The following NDST4 variants were observed in gnomAD, a reference collection of about 807,000 sequenced individuals.
NDST4 encodes N-deacetylase and N-sulfotransferase 4.
NDST4 carries 63 observed loss-of-function variants against 100.8 expected under a neutral mutation model. That is an observed-to-expected ratio of 0.62 (90% CI 0.51 to 0.77). NDST4 has a LOEUF of 0.77. NDST4 is among the 30% of genes least tolerant of loss of function. The pLI is 0.00. For synonymous variants in NDST4, 377 were observed against 361.8 expected, an observed-to-expected ratio of 1.04 and a Z score of -0.48; for missense variants, 943 against 1,018.4, an observed-to-expected ratio of 0.93 and a Z score of 1.01.
chr4:114,863,879 T>C (rs1723969877), intron 7 of NDST4, among the ~76,000 whole-genome samples: 1 of 152,188 alleles, frequency 6.6e-6, no homozygotes, highest in African/African-American at 2.4e-5. Flanking sequence ...TGAAATTATG[T>C]TCCTTGCAAG....
intron 2 of NDST4, among the ~76,000 whole-genome samples, chr4:114,981,262 G>GAAGT (rs1288216480): frequency 1.6e-5 from 2 of 128,296 alleles, no homozygotes; most frequent in Admixed American, 7.6e-5. Flanking sequence ...AGGAAGGAAG[G>GAAGT]AAGGAAGAAA....
In NDST4 at chr4:114,935,475, A is replaced by T. The variant is rs564470516; in HGVS notation, c.1408-141T>A. The T allele has an allele frequency of 3.6e-4, 246 of 681,204 alleles. No homozygotes were observed. In the African/African-American group the frequency reaches 4.3e-3, roughly 12 times the overall value. The allele number at this position is 681,204 out of a possible 1,614,324, so 42.2% of individuals were successfully genotyped here. ...TAAGGCCAAATCTTATTATAATCAC[A>T]AGTTGATGTTGGTGCAATTCTGTAA... On this transcript the variant is annotated intron_variant, in intron 5 of 13. Transcript: ENST00000264363.
chr4:114,978,334 C>T (rs1726683760), intron 2 of NDST4, among the ~76,000 whole-genome samples: 1 of 151,798 alleles, frequency 6.6e-6, no homozygotes, highest in Admixed American at 6.6e-5. Context: ...GTGAACCTAA[C>T]TGTTTATTCC....
intron 9 of NDST4, among the ~76,000 whole-genome samples, chr4:114,846,638 G>A (rs1266615707): frequency 6.6e-6 from 1 of 152,070 alleles, no homozygotes; most frequent in Non-Finnish European, 1.5e-5. Context: ...ACGTTCCTCT[G>A]CGTGTGGATT....
intron 4 of NDST4, among the ~76,000 whole-genome samples, chr4:114,969,970 A>G (rs770148287): frequency 4.3e-4 from 66 of 152,274 alleles, no homozygotes; most frequent in African/African-American, 1.0e-3. Context: ...AACCTTGCCA[A>G]CATCTGTTGT....
At chr4:114,950,502 C>T (rs1050228293) in intron 4 of NDST4, among the ~76,000 whole-genome samples, 2 of 152,018 alleles carry the variant, frequency 1.3e-5, no homozygotes, top group Admixed American at 6.6e-5. Context: ...CTGCCTCTGT[C>T]ACATATTTCC....
chr4:114,911,104 C>T (rs1466427276), intron 6 of NDST4, among the ~76,000 whole-genome samples: 1 of 152,000 alleles, frequency 6.6e-6, no homozygotes, highest in Non-Finnish European at 1.5e-5. Context: ...TGGCTCACAT[C>T]TCACTTATGT....
intron 4 of NDST4, among the ~76,000 whole-genome samples, chr4:114,944,594 C>T (rs931145277): frequency 6.6e-6 from 1 of 152,142 alleles, no homozygotes; most frequent in Non-Finnish European, 1.5e-5. Flanking sequence ...TGAAATCTGT[C>T]TTAGATCCTA....
At chr4:114,939,344 A>G (rs1725698846) in intron 4 of NDST4, among the ~76,000 whole-genome samples, 1 of 152,174 alleles carries the variant, frequency 6.6e-6, no homozygotes, top group Non-Finnish European at 1.5e-5. Context: ...GTACAGGAAA[A>G]GGGAATCAAC....
chr4:114,999,374 T>C (rs1727233321), intron 2 of NDST4, among the ~76,000 whole-genome samples: 1 of 152,078 alleles, frequency 6.6e-6, no homozygotes, highest in South Asian at 2.1e-4. Context: ...ATTTGTAAAA[T>C]GAAACTAATA....
rs59805768 is a variant in NDST4 at position 115,057,702 on chromosome 4, G to GCACACA, written c.978+18351_978+18356dup. Among the ~76,000 whole-genome samples, 356 of 147,326 alleles carry GCACACA rather than the reference G, an allele frequency of 2.4e-3. 1 individual carries two copies. The highest frequency in any genetic ancestry group is 7.6e-3 in the African/African-American group (304 of 40,180). On this transcript the variant is annotated intron_variant, in intron 2 of 13. Transcript: ENST00000264363. ...TTTCCACTTAGCTATGCGTGCGCAC[G>GCACACA]CACACACACACACACACACACACAC...
At chr4:114,865,492 T>C (rs1283352058) in intron 7 of NDST4, among the ~76,000 whole-genome samples, 2 of 152,198 alleles carry the variant, frequency 1.3e-5, no homozygotes, top group Non-Finnish European at 2.9e-5. Context: ...TTTTAAACTC[T>C]TATGAATCAG....
chr4:114,943,513 G>T (rs1480848284), intron 4 of NDST4, among the ~76,000 whole-genome samples: 1 of 152,010 alleles, frequency 6.6e-6, no homozygotes, highest in Non-Finnish European at 1.5e-5. Flanking sequence ...AGGTACGTTT[G>T]GGGCCTTATA....
chr4:114,916,164 T>A (rs1255668381), intron 6 of NDST4, among the ~76,000 whole-genome samples: 2 of 152,150 alleles, frequency 1.3e-5, no homozygotes, highest in Admixed American at 1.3e-4. Context: ...TCTCATGGTC[T>A]GGTGAAAGAA....
At chr4:115,010,158 T>C (rs372932959) in intron 2 of NDST4, among the ~76,000 whole-genome samples, 3 of 127,172 alleles carry the variant, frequency 2.4e-5, no homozygotes, top group Non-Finnish European at 3.3e-5. Context: ...ACTAGAAATA[T>C]CATTTGACCC....
At chr4:115,063,843 T>C (rs1301130620) in intron 2 of NDST4, among the ~76,000 whole-genome samples, 2 of 151,966 alleles carry the variant, frequency 1.3e-5, no homozygotes, top group Admixed American at 6.6e-5. Flanking sequence ...TTAATACTTT[T>C]TTTTTTTACC....
intron 11 of NDST4, among the ~76,000 whole-genome samples, chr4:114,838,287 G>A (rs1249379215): frequency 1.3e-5 from 2 of 152,040 alleles, no homozygotes; most frequent in Admixed American, 6.6e-5. Context: ...TAGAGCCAGA[G>A]CTACCATTTG....
intron 2 of NDST4, among the ~76,000 whole-genome samples, chr4:115,022,324 A>ATACATGTGTTCCACG (rs1560569907): frequency 2.9e-5 from 4 of 140,268 alleles, no homozygotes; most frequent in Admixed American, 1.5e-4. Context: ...TGTGTTCCAC[A>ATACATGTGTTCCACG]TACATATGTG....
intron 1 of NDST4, among the ~76,000 whole-genome samples, chr4:115,096,201 CAACACA>C (rs1729618729): frequency 4.9e-5 from 1 of 20,506 alleles, no homozygotes; most frequent in Non-Finnish European, 9.3e-5. Flanking sequence ...GAACATTACT[CAACACA>C]TTTTTTAGAA....
Sources: allele counts gnomAD v4.1 joint callset (sites outside exome capture counted in the v4.1 genomes callset), GRCh38; gene constraint gnomAD v4.1.1; transcripts MANE v1.5; gene names NCBI Gene and HGNC (gene_info 2026-07-23, HGNC 2026-07-21).